Variants in OXR1 observed in about 807,000 individuals in gnomAD.
The protein encoded by OXR1 is oxidation resistance protein 1.
A neutral mutation model predicts 104.6 loss-of-function variants in OXR1; 41 were observed. That is an observed-to-expected ratio of 0.39 (90% CI 0.31 to 0.51). The LOEUF is 0.51. Among genes scored for constraint, OXR1 ranks in the 20% least tolerant of loss-of-function variants. The pLI, the probability that OXR1 is intolerant of heterozygous loss-of-function variation, is 0.77. For missense variants in OXR1, 955 were observed against 1,031.9 expected (o/e 0.93, Z 1.02); for synonymous variants, 348 against 348.4 (o/e 1.00, Z 0.01).
intron 1 of OXR1, among the ~76,000 whole-genome samples, chr8:106,295,292 G>T (rs899313212): frequency 1.3e-5 from 2 of 152,044 alleles, no homozygotes; most frequent in East Asian, 3.9e-4. Flanking sequence ...TTACACATTG[G>T]ACTTAACCAT....
At chr8:106,452,366 A>G (rs993314834) in intron 2 of OXR1, among the ~76,000 whole-genome samples, 1 of 152,194 alleles carries the variant, frequency 6.6e-6, no homozygotes, top group Admixed American at 6.6e-5. Flanking sequence ...TGTTAAAATA[A>G]CCATTAACCA....
chr8:106,630,354 C>CT (rs552074262), intron 3 of OXR1, among the ~76,000 whole-genome samples: 2 of 152,198 alleles, frequency 1.3e-5, no homozygotes, highest in African/African-American at 2.4e-5. Flanking sequence ...AACATGGACT[C>CT]TAACTTCGCC....
chr8:106,350,262 A>G (rs1563731477), intron 1 of OXR1, among the ~76,000 whole-genome samples: 1 of 152,198 alleles, frequency 6.6e-6, no homozygotes. Flanking sequence ...TTTTCTCAGA[A>G]AATTATAGCA....
intron 3 of OXR1, among the ~76,000 whole-genome samples, chr8:106,537,942 CTCTA>C (rs1309477244): frequency 6.6e-6 from 1 of 152,172 alleles, no homozygotes. Flanking sequence ...TTCCCACCTC[CTCTA>C]TCTGTGACTC....
At chr8:106,704,865 C>G (rs920682293) in intron 8 of OXR1, among the ~76,000 whole-genome samples, 1 of 151,856 alleles carries the variant, frequency 6.6e-6, no homozygotes, top group African/African-American at 2.4e-5. Flanking sequence ...GATATTTCTT[C>G]AGAAAGAAAT....
At chr8:106,478,756 C>G (rs986535817) in intron 2 of OXR1, among the ~76,000 whole-genome samples, 1 of 151,640 alleles carries the variant, frequency 6.6e-6, no homozygotes, top group African/African-American at 2.4e-5. Flanking sequence ...TTAATTTTTC[C>G]TACTGCTTGC....
chr8:106,742,517 T>A, intron 15 of OXR1, 200 bp downstream of exon 15: 1 of 458,740 alleles, frequency 2.2e-6, no homozygotes, highest in Non-Finnish European at 3.9e-6. Flanking sequence ...AGAACAAAGC[T>A]GGAGGCATCA....
intron 3 of OXR1, among the ~76,000 whole-genome samples, chr8:106,623,542 T>A (rs1821897432): frequency 6.6e-6 from 1 of 152,030 alleles, no homozygotes; most frequent in Non-Finnish European, 1.5e-5. Context: ...AAATTGGAAT[T>A]CAGAAGAAAA....
intron 2 of OXR1, among the ~76,000 whole-genome samples, chr8:106,433,639 A>G (rs1259110223): frequency 6.6e-6 from 1 of 152,162 alleles, no homozygotes; most frequent in African/African-American, 2.4e-5. Context: ...GGTAGAGTCA[A>G]TTAGGTCTGA....
chr8:106,535,198 C>T (rs376685012), intron 3 of OXR1, among the ~76,000 whole-genome samples: 5 of 152,076 alleles, frequency 3.3e-5, no homozygotes, highest in African/African-American at 1.2e-4. Flanking sequence ...CTCCTGACCT[C>T]GTAGCACGAG....
At chr8:106,511,603 G>A (rs1377412321) in intron 2 of OXR1, among the ~76,000 whole-genome samples, 1 of 152,180 alleles carries the variant, frequency 6.6e-6, no homozygotes, top group African/African-American at 2.4e-5. Context: ...ATAAGGCAAA[G>A]TGAGAATGTG....
chr8:106,376,573 T>C (rs1816915087), intron 2 of OXR1, among the ~76,000 whole-genome samples: 1 of 152,246 alleles, frequency 6.6e-6, no homozygotes, highest in African/African-American at 2.4e-5. Context: ...AACATTACTT[T>C]CTTCCTTTAG....
At chr8:106,672,819 G>T (rs532839844) in intron 3 of OXR1, among the ~76,000 whole-genome samples, 1 of 152,120 alleles carries the variant, frequency 6.6e-6, no homozygotes, top group Non-Finnish European at 1.5e-5. Context: ...AATTCCTCCT[G>T]CCTTTATTCT....
At chr8:106,482,371 T>C (rs997282998) in intron 2 of OXR1, among the ~76,000 whole-genome samples, 1 of 149,650 alleles carries the variant, frequency 6.7e-6, no homozygotes, top group Non-Finnish European at 1.5e-5. Context: ...AGTGAGATGA[T>C]GAGGCAGTGT....
intron 11 of OXR1, among the ~76,000 whole-genome samples, chr8:106,719,393 C>A (rs2131448117): frequency 6.6e-6 from 1 of 152,340 alleles, no homozygotes; most frequent in East Asian, 1.9e-4. Flanking sequence ...TGCCATTCAG[C>A]TTCATCAGCT....
intron 3 of OXR1, among the ~76,000 whole-genome samples, chr8:106,618,925 A>G (rs1458120945): frequency 6.6e-6 from 1 of 152,134 alleles, no homozygotes; most frequent in East Asian, 1.9e-4. Flanking sequence ...AGCCAAAATA[A>G]CATTATCATT....
chr8:106,427,328 G>A (rs1161597425), intron 2 of OXR1, among the ~76,000 whole-genome samples: 7 of 151,936 alleles, frequency 4.6e-5, no homozygotes, highest in African/African-American at 7.3e-5. Flanking sequence ...CACCACGTCC[G>A]GCAAATTTTT....
At chr8:106,308,399 A>G (rs1027637228) in intron 1 of OXR1, among the ~76,000 whole-genome samples, 6 of 152,190 alleles carry the variant, frequency 3.9e-5, no homozygotes, top group African/African-American at 7.2e-5. Context: ...AATCTTTTCC[A>G]GAAACGCCCA....
At chr8:106,281,012 T>C (rs1476144122) in intron 1 of OXR1, among the ~76,000 whole-genome samples, 1 of 152,034 alleles carries the variant, frequency 6.6e-6, no homozygotes, top group Non-Finnish European at 1.5e-5. Context: ...ACCCTGCCCT[T>C]AGGAACAGGC....
Sources: gnomAD v4.1 joint callset for allele counts (sites outside exome capture counted in the v4.1 genomes callset) on GRCh38, gnomAD v4.1.1 for gene constraint, MANE v1.5 for transcripts, NCBI Gene and HGNC (gene_info 2026-07-23, HGNC 2026-07-21) for gene names.